Variants in CNTNAP5 observed in about 807,000 individuals in gnomAD.
CNTNAP5 encodes contactin-associated protein-like 5.
CNTNAP5 carries 72 observed loss-of-function variants against 150.2 expected under a neutral mutation model. The observed-to-expected ratio is 0.48, with a 90% CI of 0.40 to 0.58. The LOEUF (loss-of-function observed/expected upper bound fraction) is 0.58, where lower values mean the gene tolerates loss of function less well. Among genes scored for constraint, CNTNAP5 ranks in the 20% least tolerant of loss-of-function variants. CNTNAP5 has a pLI of 0.00. For missense variants in CNTNAP5, 1,636 were observed against 1,626.2 expected, an observed-to-expected ratio of 1.01 and a Z score of -0.10; for synonymous variants, 672 against 619.8, an observed-to-expected ratio of 1.08 and a Z score of -1.25.
intron 8 of CNTNAP5, among the ~76,000 whole-genome samples, chr2:124,521,803 A>G (rs936915908): frequency 6.6e-6 from 1 of 152,192 alleles, no homozygotes; most frequent in Non-Finnish European, 1.5e-5. Context: ...CTTACAATTG[A>G]CTGTGCTCCC....
chr2:124,193,149 C>T (rs775673746), intron 1 of CNTNAP5, among the ~76,000 whole-genome samples: 1 of 152,072 alleles, frequency 6.6e-6, no homozygotes, highest in Non-Finnish European at 1.5e-5. Context: ...TATAAGGACA[C>T]CAGTCATACT....
intron 12 of CNTNAP5, among the ~76,000 whole-genome samples, chr2:124,614,967 T>C (rs1252736007): frequency 1.1e-5 from 1 of 93,186 alleles, no homozygotes; most frequent in Non-Finnish European, 2.2e-5. Flanking sequence ...CTATTAATTG[T>C]GCAATAGCAT....
chr2:124,101,818 T>C (rs1683068606), intron 1 of CNTNAP5, among the ~76,000 whole-genome samples: 1 of 152,192 alleles, frequency 6.6e-6, no homozygotes, highest in South Asian at 2.1e-4. Flanking sequence ...GGTACCTAAA[T>C]GGCCATTCCA....
chr2:124,385,894 TTTTG>T lies in CNTNAP5; in HGVS notation c.382-31533_382-31530del, dbSNP rs370713545. ...TTCTGAGATAATACATTCATTCTTT[TTTTG>T]TTTGTTTGTTTGTTTTCGGCCGTTT... On this transcript the variant is annotated intron_variant, in intron 3 of 23. Transcript: ENST00000682447. Among the ~76,000 whole-genome samples, 580 of 152,274 alleles carry T rather than the reference TTTTG, an allele frequency of 3.8e-3. 3 individuals carry two copies. The highest frequency in any genetic ancestry group is 0.013 in the African/African-American group (556 of 41,566).
At chr2:124,180,196 G>A (rs548116478) in intron 1 of CNTNAP5, among the ~76,000 whole-genome samples, 142 of 152,264 alleles carry the variant, frequency 9.3e-4, no homozygotes, top group African/African-American at 3.3e-3. Flanking sequence ...AGCCTGCATG[G>A]CTGAGATGAC....
intron 13 of CNTNAP5, among the ~76,000 whole-genome samples, chr2:124,735,096 G>C (rs963770630): frequency 6.6e-6 from 1 of 152,162 alleles, no homozygotes; most frequent in Non-Finnish European, 1.5e-5. Context: ...GCTTTGGGCA[G>C]AGAATTCTAG....
At chr2:124,591,415 G>C (rs929331731) in intron 11 of CNTNAP5, among the ~76,000 whole-genome samples, 3 of 152,094 alleles carry the variant, frequency 2.0e-5, no homozygotes, top group Non-Finnish European at 2.9e-5. Context: ...CAATTTTTAA[G>C]TTTAGCTCAA....
chr2:124,623,637 A>G (rs1415420381), intron 12 of CNTNAP5, among the ~76,000 whole-genome samples: 1 of 152,218 alleles, frequency 6.6e-6, no homozygotes, highest in Non-Finnish European at 1.5e-5. Flanking sequence ...AGAAAGTGAC[A>G]GTCACAGAGA....
intron 3 of CNTNAP5, among the ~76,000 whole-genome samples, chr2:124,373,415 C>G: frequency 6.6e-6 from 1 of 151,942 alleles, no homozygotes; most frequent in South Asian, 2.1e-4. Flanking sequence ...AGAGACAGCC[C>G]ACAAGGAAAT....
At chr2:124,612,524 C>T (rs1677408822) in intron 12 of CNTNAP5, among the ~76,000 whole-genome samples, 1 of 152,042 alleles carries the variant, frequency 6.6e-6, no homozygotes, top group Non-Finnish European at 1.5e-5. Flanking sequence ...ACAGCCTTCT[C>T]CCAGGGTTTA....
intron 11 of CNTNAP5, among the ~76,000 whole-genome samples, chr2:124,581,972 A>G (rs1287690219): frequency 6.6e-6 from 1 of 152,218 alleles, no homozygotes; most frequent in East Asian, 1.9e-4. Context: ...ACACGGAGGC[A>G]GGGGCTTAGA....
chr2:124,860,655 T>C (rs1224090508), intron 19 of CNTNAP5, among the ~76,000 whole-genome samples: 2 of 151,912 alleles, frequency 1.3e-5, no homozygotes, highest in African/African-American at 4.8e-5. Flanking sequence ...CAAGAACCAA[T>C]GAGATATGTC....
intron 3 of CNTNAP5, among the ~76,000 whole-genome samples, chr2:124,260,503 CA>C (rs1201119102): frequency 1.3e-5 from 2 of 152,116 alleles, no homozygotes; most frequent in Non-Finnish European, 2.9e-5. Context: ...CAACAAAAGC[CA>C]AAATTGACAA....
At position 124,883,709 on chromosome 2, in the gene CNTNAP5, T is replaced by G. The variant is rs1180615918; in HGVS notation, c.3436+13947T>G. On this transcript the variant is annotated intron_variant, in intron 21 of 23. Coordinates refer to ENST00000682447, the MANE Select transcript of CNTNAP5 (RefSeq NM_001367498.1). ...ATGTGTGTACACATATTGGTACATG[T>G]ACACATATATTCGTGCGTGGGTTTG... Among the ~76,000 whole-genome samples the G allele has an allele frequency of 2.6e-5, 4 of 152,114 alleles. 1 individual carries two copies. The highest frequency in any genetic ancestry group is 5.9e-5 in the Non-Finnish European group (4 of 68,000).
chr2:124,603,514 T>C (rs1377768528), intron 11 of CNTNAP5, among the ~76,000 whole-genome samples: 1 of 152,230 alleles, frequency 6.6e-6, no homozygotes, highest in Non-Finnish European at 1.5e-5. Flanking sequence ...CATTGTTTAA[T>C]CCTTTATCTC....
At chr2:124,479,045 G>A (rs545911412) in intron 7 of CNTNAP5, among the ~76,000 whole-genome samples, 1 of 152,174 alleles carries the variant, frequency 6.6e-6, no homozygotes, top group African/African-American at 2.4e-5. Flanking sequence ...TTTATAGCTC[G>A]ATTTGACTAC....
intron 3 of CNTNAP5, among the ~76,000 whole-genome samples, chr2:124,276,458 G>A (rs1687885420): frequency 6.6e-6 from 1 of 152,168 alleles, no homozygotes; most frequent in Admixed American, 6.6e-5. Context: ...TTACAACTAT[G>A]TCCCTTGATT....
In CNTNAP5 at chr2:124,598,891, G is replaced by T. The variant is rs905413563; in HGVS notation, c.1757-10910G>T. On this transcript the variant is annotated intron_variant, in intron 11 of 23. Transcript: ENST00000682447. ...GTCTGAAAAGCGCAATATTCGGGTGGGAGTGACCCGATTTTCCAGGTGCGT... is the reference window on the plus strand; with the variant it reads ...GTCTGAAAAGCGCAATATTCGGGTGTGAGTGACCCGATTTTCCAGGTGCGT... Among the ~76,000 whole-genome samples the T allele has an allele frequency of 1.1e-3, 166 of 152,142 alleles. 1 individual carries two copies. Among genetic ancestry groups the T allele is most frequent in the African/African-American group, 3.9e-3 (162 of 41,500 alleles).
At chr2:124,317,078 C>T (rs1455425653) in intron 3 of CNTNAP5, among the ~76,000 whole-genome samples, 2 of 152,078 alleles carry the variant, frequency 1.3e-5, no homozygotes, top group African/African-American at 4.8e-5. Flanking sequence ...GTCTGGGCAG[C>T]ACGCCATTAT....
Sources: gnomAD v4.1 joint callset for allele counts (sites outside exome capture counted in the v4.1 genomes callset) on GRCh38, gnomAD v4.1.1 for gene constraint, MANE v1.5 for transcripts, NCBI Gene and HGNC (gene_info 2026-07-23, HGNC 2026-07-21) for gene names.